The following RUNX1T1 variants were observed in gnomAD, a reference collection of about 807,000 sequenced individuals.
RUNX1T1 encodes the protein RUNX1 partner transcriptional co-repressor 1.
RUNX1T1 carries 4 observed loss-of-function variants against 62.8 expected under a neutral mutation model. The observed-to-expected ratio is 0.06, with a 90% CI of 0.03 to 0.15. The LOEUF is 0.15. RUNX1T1 is among the 10% of genes least tolerant of loss of function. The pLI is 1.00. For missense variants in RUNX1T1, 508 were observed against 754.3 expected, an observed-to-expected ratio of 0.67 and a Z score of 3.82; for synonymous variants, 291 against 286.0, an observed-to-expected ratio of 1.02 and a Z score of -0.18.
chr8:92,024,497 C>CAAAAAA (rs34547904), intron 1 of RUNX1T1, among the ~76,000 whole-genome samples: 293 of 17,542 alleles, frequency 0.017, 44 homozygotes, highest in Non-Finnish European at 0.022. Flanking sequence ...AACCCCAACT[C>CAAAAAA]AAAAAAAAAA....
At chr8:92,060,109 G>T (rs1170477295) in intron 1 of RUNX1T1, among the ~76,000 whole-genome samples, 2 of 151,932 alleles carry the variant, frequency 1.3e-5, no homozygotes, top group Admixed American at 1.3e-4. Flanking sequence ...AATGCCCAAG[G>T]TCTCCCAGCC....
upstream of RUNX1T1, chr8:92,063,441 C>T (rs1035737201): frequency 1.3e-5 from 2 of 152,156 alleles, no homozygotes; most frequent in South Asian, 2.1e-4. Flanking sequence ...AAAAGCTGAA[C>T]AATCATGTCC....
At chr8:92,022,433 T>C (rs1486292287) in intron 1 of RUNX1T1, among the ~76,000 whole-genome samples, 2 of 152,156 alleles carry the variant, frequency 1.3e-5, no homozygotes, top group East Asian at 3.9e-4. Flanking sequence ...ATTCATGTGT[T>C]GAAACTTAAT....
intron 1 of RUNX1T1, among the ~76,000 whole-genome samples, chr8:92,037,490 C>T (rs750077230): frequency 5.9e-5 from 9 of 152,086 alleles, no homozygotes; most frequent in Non-Finnish European, 8.8e-5. Flanking sequence ...CCAGCCTGGC[C>T]AACATGGCGA....
At chr8:92,062,828 T>C in exon 1 of RUNX1T1, 2 of 1,433,726 alleles carry the variant, frequency 1.4e-6, no homozygotes, top group Non-Finnish European at 1.8e-6. Flanking sequence ...GGCAGAACAA[T>C]GACAGGGATG....
upstream of RUNX1T1, among the ~76,000 whole-genome samples, chr8:92,064,681 C>G (rs1832601147): frequency 6.6e-6 from 1 of 152,050 alleles, no homozygotes; most frequent in Non-Finnish European, 1.5e-5. Context: ...GGAAACCCAA[C>G]CTTTCATCAA....
At chr8:92,032,093 C>CAAAAAAA (rs59047751) in intron 1 of RUNX1T1, among the ~76,000 whole-genome samples, 4 of 29,536 alleles carry the variant, frequency 1.4e-4, no homozygotes, top group Admixed American at 4.3e-4. Flanking sequence ...AATCCTGTCT[C>CAAAAAAA]AAAAAAAAAA....
chr8:92,078,085 T>C (rs1317408061), intron 1 of RUNX1T1, among the ~76,000 whole-genome samples: 3 of 152,172 alleles, frequency 2.0e-5, no homozygotes, highest in South Asian at 4.1e-4. Flanking sequence ...AATGTTAACA[T>C]AGTGTACAAA....
exon 6 of RUNX1T1, chr8:91,991,848 T>A (rs1334410738): frequency 6.2e-7 from 1 of 1,614,060 alleles, no homozygotes; most frequent in African/African-American, 1.3e-5. Context: ...GCTTGGATGT[T>A]CTGAGTGCAA....
chr8:91,987,052 A>T (rs975016332), intron 6 of RUNX1T1, 80 bp from the exon 8 acceptor site: 127 of 902,860 alleles, frequency 1.4e-4, no homozygotes, highest in Non-Finnish European at 1.8e-4. Flanking sequence ...AGCAAGGACT[A>T]TGTGGGCAAA....
intron 1 of RUNX1T1, among the ~76,000 whole-genome samples, chr8:92,058,199 G>T (rs1314274496): frequency 6.6e-6 from 1 of 152,120 alleles, no homozygotes; most frequent in Non-Finnish European, 1.5e-5. Context: ...CTGAATCATG[G>T]TTATCTGGTA....
At chr8:92,014,660 G>A (rs1329760565) in exon 3 of RUNX1T1, 1 of 1,614,032 alleles carries the variant, frequency 6.2e-7, no homozygotes, top group Non-Finnish European at 8.5e-7. Context: ...GGGTAGTAAG[G>A]AACCTTTTCA....
At chr8:91,984,899 G>A (rs532131062) in intron 8 of RUNX1T1, among the ~76,000 whole-genome samples, 1 of 152,070 alleles carries the variant, frequency 6.6e-6, no homozygotes, top group Admixed American at 6.6e-5. Flanking sequence ...AATAATGCTT[G>A]TTAGGTAAAT....
intron 1 of RUNX1T1, among the ~76,000 whole-genome samples, chr8:92,087,851 C>G (rs1256279912): frequency 6.6e-6 from 1 of 152,142 alleles, no homozygotes; most frequent in Non-Finnish European, 1.5e-5. Flanking sequence ...CATTTTATTG[C>G]TCTTCACCTA....
At chr8:92,034,794 A>ATC (rs1827045502) in intron 1 of RUNX1T1, among the ~76,000 whole-genome samples, 1 of 81,086 alleles carries the variant, frequency 1.2e-5, no homozygotes, top group African/African-American at 5.4e-5. Context: ...ATATATACAT[A>ATC]TATACACACA....
rs115782793 is a variant in RUNX1T1, at chr8:92,032,250, C to T, written c.8-14887G>A. On this transcript the variant is annotated intron_variant, in intron 1 of 10. Transcript: ENST00000396218. ...GATATACCTTTAAGAATTTAGTATA[C>T]AATAATTTCTCATAGTAGTGAGAAA... 7.3e-3 allele frequency among the ~76,000 whole-genome samples: 1,090 copies of T among 150,112 alleles called. 14 individuals are homozygous for T. The highest frequency in any genetic ancestry group is 0.025 in the African/African-American group (1,016 of 40,974).
At chr8:91,987,246 A>G (rs1019950543) in intron 6 of RUNX1T1, among the ~76,000 whole-genome samples, 2 of 152,204 alleles carry the variant, frequency 1.3e-5, no homozygotes, top group African/African-American at 4.8e-5. Flanking sequence ...CTCCACAACT[A>G]GTTATCCATG....
chr8:92,022,633 G>A (rs6995893), intron 1 of RUNX1T1, among the ~76,000 whole-genome samples: 35,287 of 151,984 alleles, frequency 0.23, 4,329 homozygotes, highest in African/African-American at 0.31. Flanking sequence ...CTTGAGAGCA[G>A]AGACCAGGCC....
intron 1 of RUNX1T1, among the ~76,000 whole-genome samples, chr8:92,019,776 T>G (rs898313949): frequency 2.0e-5 from 3 of 152,212 alleles, no homozygotes; most frequent in Admixed American, 2.0e-4. Flanking sequence ...TTCCCAATTT[T>G]AGAAAGTTTT....
Sources: allele counts gnomAD v4.1 joint callset (sites outside exome capture counted in the v4.1 genomes callset), GRCh38; gene constraint gnomAD v4.1.1; transcripts MANE v1.5; gene names NCBI Gene and HGNC (gene_info 2026-07-23, HGNC 2026-07-21).